ACBD5: variants seen among roughly 807,000 people sequenced by gnomAD.
The protein encoded by ACBD5 is acyl-CoA-binding domain-containing protein 5.
ACBD5 carries 40 observed loss-of-function variants against 71.8 expected under a neutral mutation model. The observed-to-expected ratio is 0.56, with a 90% CI of 0.43 to 0.72. ACBD5 has a LOEUF of 0.72. ACBD5 is among the 30% of genes least tolerant of loss of function. The probability of loss-of-function intolerance (pLI) is 0.00; values close to 1 mark genes in which losing one functional copy is unlikely to be tolerated. For missense variants in ACBD5, 559 were observed against 644.5 expected (o/e 0.87, Z 1.44); for synonymous variants, 229 against 218.6 (o/e 1.05, Z -0.42).
At chr10:27,205,867 G>C (rs1389677233) in intron 10 of ACBD5, among the ~76,000 whole-genome samples, 1 of 151,914 alleles carries the variant, frequency 6.6e-6, no homozygotes, top group Non-Finnish European at 1.5e-5. Context: ...AGTGAATTAT[G>C]CAAATTTTAA....
intron 12 of ACBD5, among the ~76,000 whole-genome samples, chr10:27,202,967 CTCT>C (rs2060078502): frequency 1.1e-5 from 1 of 91,960 alleles, no homozygotes. Context: ...GGTCTATATC[CTCT>C]TTTTTTTTTT....
At position 27,208,321 on chromosome 10, in the gene ACBD5, C is replaced by T. The variant is rs1389869635; in HGVS notation, c.1329G>A (p.Val443=). ...RGSLNEQIAL[V]LMRLQEDMQN... ...GCATGTCCTCCTGCAGTCTCATCAG[C>T]ACGAGGGCGATCTGCTCATTGAGGC... Residue 443 remains valine (V), a synonymous_variant, in exon 10 of 13, where the codon GTG becomes GTA. Transcript: ENST00000396271. The T allele has an allele frequency of 2.4e-5, 39 of 1,614,084 alleles. No homozygotes were observed. The highest frequency in any genetic ancestry group is 3.3e-5 in the Non-Finnish European group (39 of 1,180,056).
chr10:27,205,178 T>A lies in ACBD5; in HGVS notation c.1455+20A>T. 1 of 1,608,262 alleles carries A rather than the reference T, an allele frequency of 6.2e-7. No individual in the cohort carries two copies. Among genetic ancestry groups the A allele is most frequent in the Non-Finnish European group, 8.5e-7 (1 of 1,175,852 alleles). On this transcript the variant is annotated intron_variant, in intron 11 of 12. Transcript: ENST00000396271. ...AACATATGAAACCCTGGCATTTAAA[T>A]TTTTTAAAAAATGTCTTACCTGTGA...
chr10:27,195,782 G>A lies in ACBD5; in HGVS notation c.*1648C>T, dbSNP rs1471451956. ...AAAAAGAGTTTGGGAAAAGTAAATT[G>A]TATTCTTATACTTTTCAGGCAAACA... On this transcript the variant is annotated 3_prime_UTR_variant, in exon 13 of 13. Transcript: ENST00000396271. The A allele has an allele frequency of 2.4e-6, 1 of 409,696 alleles. No homozygotes were observed. 25.4% of individuals were successfully genotyped at this position (409,696 alleles called of 1,614,324 possible).
At chr10:27,202,630 A>G (rs930786491) in intron 12 of ACBD5, among the ~76,000 whole-genome samples, 1 of 152,204 alleles carries the variant, frequency 6.6e-6, no homozygotes, top group Non-Finnish European at 1.5e-5. Flanking sequence ...CTTCCATCTT[A>G]AGCATAAAAT....
chr10:27,187,317 T>C (rs145233187), intron 13 of ACBD5, among the ~76,000 whole-genome samples: 2 of 151,982 alleles, frequency 1.3e-5, no homozygotes, highest in South Asian at 2.1e-4. Context: ...TAAAGGCAGC[T>C]GGAAAATTCC....
intron 5 of ACBD5, among the ~76,000 whole-genome samples, chr10:27,221,985 G>A (rs545244761): frequency 8.6e-5 from 13 of 150,870 alleles, no homozygotes; most frequent in Admixed American, 2.6e-4. Context: ...GAATAAGCAT[G>A]CCTTATAAGA....
intron 11 of ACBD5, 82 bp downstream of exon 11, chr10:27,205,116 G>A: frequency 7.3e-7 from 1 of 1,365,940 alleles, no homozygotes; most frequent in Non-Finnish European, 1.0e-6. Flanking sequence ...AACAGAGCGA[G>A]ACTCCGTATC....
In ACBD5 at chr10:27,238,168, A is replaced by G. The variant is rs569625530; in HGVS notation, c.181+2151T>C. On this transcript the variant is annotated intron_variant, in intron 2 of 12. Coordinates refer to ENST00000396271, the MANE Select transcript of ACBD5 (RefSeq NM_145698.5). ...CACCGTATTAGCCAGGATGGTCTCA[A>G]TCTCCTGACCTTGTGATCCGCCAGC... Among the ~76,000 whole-genome samples, 4 of 151,976 alleles carry G rather than the reference A, an allele frequency of 2.6e-5. No individual in the cohort carries two copies. The East Asian group carries it at 5.8e-4, about 22-fold the overall frequency.
At chr10:27,208,580 G>A in intron 9 of ACBD5, 135 bp from the exon 10 acceptor site, 1 of 1,053,016 alleles carries the variant, frequency 9.5e-7, no homozygotes, top group South Asian at 1.4e-5. Flanking sequence ...GCTCACACCT[G>A]TAATCCCAGC....
At chr10:27,238,372 A>G (rs943944945) in intron 2 of ACBD5, among the ~76,000 whole-genome samples, 1 of 152,250 alleles carries the variant, frequency 6.6e-6, no homozygotes, top group Non-Finnish European at 1.5e-5. Flanking sequence ...CATAATGTCA[A>G]CAGGCATAGT....
upstream of ACBD5, chr10:27,242,094 C>T: frequency 2.2e-6 from 1 of 450,690 alleles, no homozygotes; most frequent in Non-Finnish European, 4.5e-6. Flanking sequence ...CCGGTAATGT[C>T]CCCGACGCCC....
chr10:27,216,172 G>A (rs970463267), intron 7 of ACBD5, among the ~76,000 whole-genome samples: 3 of 137,124 alleles, frequency 2.2e-5, no homozygotes, highest in African/African-American at 8.3e-5. Flanking sequence ...ATGGAGTCTC[G>A]TTCTGTGGCC....
chr10:27,215,265 C>T (rs1301094238), intron 8 of ACBD5, among the ~76,000 whole-genome samples: 1 of 151,968 alleles, frequency 6.6e-6, no homozygotes, highest in Non-Finnish European at 1.5e-5. Flanking sequence ...TCTCTGCATC[C>T]CCATCCCACG....
intron 6 of ACBD5, among the ~76,000 whole-genome samples, chr10:27,219,036 T>C (rs1387148839): frequency 6.6e-6 from 1 of 152,126 alleles, no homozygotes; most frequent in Non-Finnish European, 1.5e-5. Context: ...GTGCGATGGC[T>C]CATGCCTATA....
chr10:27,239,904 G>A (rs775929458), intron 2 of ACBD5, among the ~76,000 whole-genome samples: 44 of 152,160 alleles, frequency 2.9e-4, no homozygotes, highest in Admixed American at 2.6e-4. Flanking sequence ...ACGCCACGAA[G>A]CCTGGCTAAT....
intron 4 of ACBD5, among the ~76,000 whole-genome samples, chr10:27,230,192 T>C (rs143330552): frequency 3.2e-4 from 49 of 152,058 alleles, no homozygotes; most frequent in African/African-American, 1.1e-3. Flanking sequence ...TATTGTGTTA[T>C]TGACATAGTT....
At chr10:27,183,782 A>G (rs923120256) in intron 13 of ACBD5, among the ~76,000 whole-genome samples, 5 of 151,892 alleles carry the variant, frequency 3.3e-5, no homozygotes, top group Non-Finnish European at 5.9e-5. Context: ...TAGTAGCACA[A>G]TCTCGGCTCA....
chr10:27,230,190 T>A (rs1163889362), intron 4 of ACBD5, among the ~76,000 whole-genome samples: 2 of 151,970 alleles, frequency 1.3e-5, no homozygotes, highest in Non-Finnish European at 2.9e-5. Flanking sequence ...GTTATTGTGT[T>A]ATTGACATAG....
Sources: gnomAD v4.1 joint callset for allele counts (sites outside exome capture counted in the v4.1 genomes callset) on GRCh38, gnomAD v4.1.1 for gene constraint, MANE v1.5 for transcripts, NCBI Gene and HGNC (gene_info 2026-07-23, HGNC 2026-07-21) for gene names.